Variants in TENM3 observed in about 807,000 individuals in gnomAD.
The protein encoded by TENM3 is teneurin-3.
TENM3 carries 63 observed loss-of-function variants against 255.1 expected under a neutral mutation model. The ratio of observed to expected loss-of-function variants is 0.25; its 90% confidence interval spans 0.20 to 0.30. The LOEUF (loss-of-function observed/expected upper bound fraction) is 0.30. Ranked by LOEUF, TENM3 falls within the 10% of genes least tolerant of loss-of-function variation. TENM3 has a pLI of 1.00. For synonymous variants in TENM3, 1,306 were observed against 1,322.3 expected (o/e 0.99, Z 0.27); for missense variants, 2,929 against 3,461.1 (o/e 0.85, Z 3.86).
the TENM3 span, among the ~76,000 whole-genome samples, chr4:181,589,861 G>T: frequency 6.6e-6 from 1 of 152,164 alleles, no homozygotes; most frequent in South Asian, 2.1e-4. Flanking sequence ...TGACAGAAGG[G>T]TTACTTTCCT....
chr4:181,848,242 T>A, the TENM3 span, among the ~76,000 whole-genome samples: 1 of 152,218 alleles, frequency 6.6e-6, no homozygotes, highest in African/African-American at 2.4e-5. Flanking sequence ...CACGTCCAAG[T>A]GCACGGAGTT....
the TENM3 span, among the ~76,000 whole-genome samples, chr4:181,536,642 G>A: frequency 1.3e-5 from 2 of 152,250 alleles, no homozygotes; most frequent in Admixed American, 1.3e-4. Context: ...TTTCTACCAC[G>A]TCATTAGTTC....
In TENM3 at chr4:182,323,931, C is replaced by G; in HGVS notation, c.-75-15C>G. 2.6e-6 allele frequency: 3 copies of G among 1,137,838 alleles called. No homozygotes were observed. The highest frequency in any genetic ancestry group is 3.8e-6 in the Non-Finnish European group (3 of 783,012). The allele number at this position is 1,137,838 out of a possible 1,614,324, so 70.5% of individuals were successfully genotyped here. ...AACGTCATGCTGACCTCATGCAAAC[C>G]TTGTATCTTCACAGAGAGGCCAATG... is the stretch of plus-strand genomic sequence containing the variant. On this transcript the variant is annotated splice_polypyrimidine_tract_variant and intron_variant, in intron 1 of 27. Transcript: ENST00000511685.
At chr4:182,202,487 T>C (rs561543557) in intron 1 of TENM3, among the ~76,000 whole-genome samples, 1 of 152,002 alleles carries the variant, frequency 6.6e-6, no homozygotes, top group Non-Finnish European at 1.5e-5. Context: ...ATATTTTTAA[T>C]AGAGACGGGG....
At chr4:181,541,172 G>A in the TENM3 span, among the ~76,000 whole-genome samples, 3 of 151,958 alleles carry the variant, frequency 2.0e-5, no homozygotes, top group Admixed American at 2.0e-4. Flanking sequence ...TCAGGGGCTG[G>A]AGACCAGCCT....
chr4:182,756,950 A>T (rs1762782165), intron 22 of TENM3, among the ~76,000 whole-genome samples: 1 of 152,170 alleles, frequency 6.6e-6, no homozygotes, highest in African/African-American at 2.4e-5. Context: ...ATTGCCAACG[A>T]AGCAAAAAAG....
At chr4:181,848,892 TG>T in the TENM3 span, among the ~76,000 whole-genome samples, 1 of 152,178 alleles carries the variant, frequency 6.6e-6, no homozygotes, top group Non-Finnish European at 1.5e-5. Context: ...TTTTTGCTTC[TG>T]GAATTCTCAT....
the TENM3 span, among the ~76,000 whole-genome samples, chr4:181,569,983 A>T: frequency 6.6e-6 from 1 of 151,266 alleles, no homozygotes; most frequent in Non-Finnish European, 1.5e-5. Flanking sequence ...GGTAAAAGAG[A>T]GTTCAAGACC....
At chr4:182,714,980 G>C (rs1431915415) in intron 13 of TENM3, among the ~76,000 whole-genome samples, 1 of 152,188 alleles carries the variant, frequency 6.6e-6, no homozygotes, top group Non-Finnish European at 1.5e-5. Context: ...CACCTCCCGG[G>C]TTCAAGTGAT....
rs979829104 is a variant in TENM3, at chr4:182,161,882, T to C, written c.-76+17128T>C. Among the ~76,000 whole-genome samples the C allele has an allele frequency of 1.3e-4, 9 of 71,044 alleles. 1 individual carries two copies. The highest frequency in any genetic ancestry group is 3.0e-4 in the Admixed American group (2 of 6,774). The allele number at this position is 71,044 out of a possible 152,430, so 46.6% of individuals were successfully genotyped here. ...ATATGTGTATATATGTGTATATATA[T>C]ACACACATATATGTGTATATATACA... On this transcript the variant is annotated intron_variant, in intron 1 of 2. Transcript: ENST00000512480.
At chr4:182,749,366 T>C (rs28463537) in intron 19 of TENM3, among the ~76,000 whole-genome samples, 93,746 of 152,022 alleles carry the variant, frequency 0.62, 30,035 homozygotes, top group East Asian at 0.8. Flanking sequence ...CTAAACCAAG[T>C]TTAAACCTAA....
At chr4:182,355,566 A>G (rs1205996469) in intron 3 of TENM3, among the ~76,000 whole-genome samples, 3 of 152,154 alleles carry the variant, frequency 2.0e-5, no homozygotes, top group African/African-American at 7.2e-5. Flanking sequence ...GTTTTGTTGA[A>G]TGGAAAATAA....
intron 2 of TENM3, among the ~76,000 whole-genome samples, chr4:182,334,562 T>G (rs1763983812): frequency 6.6e-6 from 1 of 152,160 alleles, no homozygotes. Flanking sequence ...AAAAGTATGA[T>G]GAAGCTGCTG....
chr4:181,792,866 AT>A, the TENM3 span, among the ~76,000 whole-genome samples: 1 of 151,888 alleles, frequency 6.6e-6, no homozygotes. Context: ...TGTTAGGGAG[AT>A]TTTCAAATCA....
At chr4:182,081,871 A>G in the TENM3 span, 1 of 152,098 alleles carries the variant, frequency 6.6e-6, no homozygotes, top group Admixed American at 6.5e-5. Context: ...CTTTTAGGTT[A>G]CTCTGGGCAC....
the TENM3 span, among the ~76,000 whole-genome samples, chr4:181,453,412 T>G: frequency 1.3e-5 from 2 of 152,160 alleles, no homozygotes; most frequent in East Asian, 3.9e-4. Context: ...TGAAAGAGGA[T>G]AGTTGAGATG....
chr4:182,037,309 CA>C, the TENM3 span, among the ~76,000 whole-genome samples: 2 of 152,028 alleles, frequency 1.3e-5, no homozygotes, highest in Admixed American at 1.3e-4. Flanking sequence ...CCACCATGAA[CA>C]GCTAATTTTT....
the TENM3 span, among the ~76,000 whole-genome samples, chr4:181,918,143 G>T: frequency 1.6e-4 from 25 of 152,090 alleles, no homozygotes; most frequent in Admixed American, 1.6e-3. Flanking sequence ...GTGGGTGAAA[G>T]TTATTTTAAA....
At chr4:181,976,832 T>A in the TENM3 span, among the ~76,000 whole-genome samples, 1 of 152,196 alleles carries the variant, frequency 6.6e-6, no homozygotes, top group Non-Finnish European at 1.5e-5. Context: ...AGCCCTTTGA[T>A]ACTCCAGAGT....
Sources: gnomAD v4.1 joint callset for allele counts (sites outside exome capture counted in the v4.1 genomes callset) on GRCh38, gnomAD v4.1.1 for gene constraint, MANE v1.5 for transcripts, NCBI Gene and HGNC (gene_info 2026-07-23, HGNC 2026-07-21) for gene names.